The following SLC4A1 variants were observed in gnomAD, a reference collection of about 807,000 sequenced individuals.
The protein encoded by SLC4A1 is band 3 anion transport protein.
SLC4A1 carries 29 observed loss-of-function variants against 93.1 expected under a neutral mutation model. The observed-to-expected ratio is 0.31, with a 90% CI of 0.23 to 0.42. The LOEUF (loss-of-function observed/expected upper bound fraction) is 0.42. SLC4A1 is among the 20% of genes least tolerant of loss of function. SLC4A1 has a pLI of 1.00. For synonymous variants in SLC4A1, 469 were observed against 497.2 expected (o/e 0.94, Z 0.76); for missense variants, 965 against 1,190.1 (o/e 0.81, Z 2.78).
intron 1 of SLC4A1, among the ~76,000 whole-genome samples, chr17:44,263,707 C>CTCCTTCCTTTCTTCCTTCCT (rs1555597760): frequency 1.4e-5 from 2 of 140,404 alleles, no homozygotes; most frequent in African/African-American, 5.6e-5. Flanking sequence ...CCTCCCTTCC[C>CTCCTTCCTTTCTTCCTTCCT]TCCTTCCTTC....
Position 44,257,969 on chromosome 17 carries a change from C to T in SLC4A1, c.1282+17G>A. On this transcript the variant is annotated intron_variant, in intron 11 of 19. Coordinates refer to ENST00000262418, the MANE Select transcript of SLC4A1 (RefSeq NM_000342.4). Reference sequence around the variant, plus strand: ...GGGTCAGAGGCAAGAGTTAGGGAGACAGGTATTGGCACTGACCCAGGAGGC... The same window carrying T: ...GGGTCAGAGGCAAGAGTTAGGGAGATAGGTATTGGCACTGACCCAGGAGGC... 1.2e-6 allele frequency: 2 copies of T among 1,613,840 alleles called. No individual in the cohort carries two copies. The highest frequency in any genetic ancestry group is 1.7e-6 in the Non-Finnish European group (2 of 1,179,874).
chr17:44,263,575 C>T (rs1033363091), intron 1 of SLC4A1, among the ~76,000 whole-genome samples: 1 of 152,048 alleles, frequency 6.6e-6, no homozygotes, highest in Non-Finnish European at 1.5e-5. Context: ...TCCCGGACAC[C>T]CTCCCCCCAA....
rs1410790512 is a variant in SLC4A1 at position 44,259,281 on chromosome 17, A to G, written c.758T>C (p.Leu253Pro). Residue 253 changes from leucine (L) to proline (P), a missense_variant, in exon 9 of 20, where the codon CTG becomes CCG. By Grantham distance (98) the Leu-to-Pro change is moderately conservative (BLOSUM62 -3). This residue lies in a region of SLC4A1 where 770 missense variants were observed against 1,006.6 expected (regional missense o/e 0.76). Coordinates refer to ENST00000262418, the MANE Select transcript of SLC4A1 (RefSeq NM_000342.4). The stretch of plus-strand genomic sequence containing the variant: ...AGGCACCGGCAGCTCCACCGCCTCC[A>G]GCTCCGCTGCCTCCTGCAGCCTCAC... Reference protein sequence around the residue: ...GFVRLQEAAELEAVELPVPIR... With the variant: ...GFVRLQEAAEPEAVELPVPIR... 1 of 1,613,870 alleles carries G rather than the reference A, an allele frequency of 6.2e-7. No individual in the cohort carries two copies. Among genetic ancestry groups the G allele is most frequent in the Non-Finnish European group, 8.5e-7 (1 of 1,180,036 alleles).
Position 44,251,512 on chromosome 17 carries a change from C to T in SLC4A1, c.2388G>A (p.Gly796=), listed in dbSNP as rs2047339442. The T allele has an allele frequency of 6.2e-7, 1 of 1,614,080 alleles. No homozygotes were observed. The highest frequency in any genetic ancestry group is 1.7e-5 in the Admixed American group (1 of 60,004). ...GCTGGATGCCGCTGAGCGACGTGAC[C>T]CCCATGTAGAGGAAGATGCCAAACA... is the stretch of plus-strand genomic sequence containing the variant. ...AVLFGIFLYM[G]VTSLSGIQLF... Residue 796 remains glycine (G), a synonymous_variant, in exon 18 of 20, where the codon GGG becomes GGA. Coordinates refer to ENST00000262418, the MANE Select transcript of SLC4A1 (RefSeq NM_000342.4).
Position 44,262,657 on chromosome 17 carries a change from A to C in SLC4A1, c.85T>G (p.Ser29Ala), listed in dbSNP as rs1210511088. The C allele has an allele frequency of 1.2e-5, 19 of 1,612,820 alleles. No individual in the cohort carries two copies. Among genetic ancestry groups the C allele is most frequent in the Non-Finnish European group, 1.4e-5 (17 of 1,179,494 alleles). Residue 29 changes from serine (S) to alanine (A), a missense_variant, in exon 3 of 20, where the codon TCC becomes GCC. By Grantham distance (99) the Ser-to-Ala change is moderately conservative. Transcript: ENST00000262418. ...TCACCTGCCGGCTCCTCCATCTGGG[A>C]CTCGGGGATGTCTGGGTCTTCATAT... ...EEYEDPDIPE[S>A]QMEEPAAHDT...
chr17:44,254,437 G>A, intron 16 of SLC4A1, 59 bp downstream of exon 16: 1 of 1,536,426 alleles, frequency 6.5e-7, no homozygotes, highest in Non-Finnish European at 9.0e-7. Flanking sequence ...CTGGGAGAAT[G>A]CCAGGGAAAG....
rs111277954 is a variant in SLC4A1, at chr17:44,259,211, G to T, written c.828C>A (p.Ile276=). ...FVLLGPEAPH[I]DYTQLGRAAA... ...CAGCCCGGCCAAGCTGGGTGTAATC[G>T]ATGTGGGGGGCCTCAGGTCCCAGCA... Residue 276 remains isoleucine, a synonymous_variant, in exon 9 of 20, where the codon ATC becomes ATA. Transcript: ENST00000262418. 22 of 1,614,044 alleles carry T rather than the reference G, an allele frequency of 1.4e-5. 2 individuals are homozygous for T. Among genetic ancestry groups the T allele is most frequent in the African/African-American group, 5.3e-5 (4 of 75,056 alleles).
intron 17 of SLC4A1, 97 bp from the exon 18 acceptor site, chr17:44,251,685 AC>A (rs2047341580): frequency 1.1e-6 from 1 of 934,542 alleles, no homozygotes; most frequent in Non-Finnish European, 1.7e-6. Context: ...AAACACAGGC[AC>A]CATATGGAGC....
intron 4 of SLC4A1, among the ~76,000 whole-genome samples, 172 bp downstream of exon 4, chr17:44,261,403 C>T (rs1355487017): frequency 1.3e-5 from 2 of 152,174 alleles, no homozygotes; most frequent in African/African-American, 4.8e-5. Flanking sequence ...CCCAGGCCTC[C>T]CCATCAGTGG....
In SLC4A1 at chr17:44,251,641, T is replaced by A; in HGVS notation, c.2312-53A>T. 1.9e-6 allele frequency: 3 copies of A among 1,569,732 alleles called. No individual in the cohort carries two copies. In the South Asian group the frequency reaches 3.3e-5, roughly 17 times the overall value. ...CAGGTTGCCCGAGGCCTGGCACCAG[T>A]GGGGGGTCAGGCCCCTATCTGGGGC... On this transcript the variant is annotated intron_variant, in intron 17 of 19. Coordinates refer to ENST00000262418, the MANE Select transcript of SLC4A1 (RefSeq NM_000342.4).
At position 44,260,393 on chromosome 17, in the gene SLC4A1, G is replaced by C. The variant is rs1445117172; in HGVS notation, c.485+11C>G. ...TGGATATGGAATCCAGGCCCTGGCA[G>C]GCAGGGGCACCTGTGTTTAAGCAGC... On this transcript the variant is annotated intron_variant, in intron 6 of 19. Transcript: ENST00000262418. The C allele has an allele frequency of 6.2e-7, 1 of 1,609,736 alleles. No homozygotes were observed. Among genetic ancestry groups the C allele is most frequent in the African/African-American group, 1.3e-5 (1 of 74,916 alleles).
At chr17:44,259,963 T>C in intron 6 of SLC4A1, 31 bp from the exon 7 acceptor site, 1 of 1,612,006 alleles carries the variant, frequency 6.2e-7, no homozygotes, top group South Asian at 1.1e-5. Flanking sequence ...ATGGGCTGAG[T>C]AAGCTGTTCA....
In SLC4A1 at chr17:44,255,830, G is replaced by A. The variant is rs879202054; in HGVS notation, c.1643C>T (p.Pro548Leu). The stretch of plus-strand genomic sequence containing the variant: ...GTTGTAGTTATAAGTCTTCTGTAGT[G>A]GGTGGTCCTGGAAGATCTGCAGCAG... ...SKLIKIFQDHPLQKTYNYNVL... is the reference protein window; with the variant it reads ...SKLIKIFQDHLLQKTYNYNVL... Residue 548 changes from proline to leucine, a missense_variant, in exon 14 of 20, where the codon CCA (proline) becomes CTA (leucine). Coordinates refer to ENST00000262418, the MANE Select transcript of SLC4A1 (RefSeq NM_000342.4). 1.9e-6 allele frequency: 3 copies of A among 1,614,140 alleles called. No individual in the cohort carries two copies. The highest frequency in any genetic ancestry group is 2.5e-6 in the Non-Finnish European group (3 of 1,180,008).
chr17:44,254,466 C>G (rs1299727150), intron 16 of SLC4A1, 30 bp downstream of exon 16: 1 of 916,420 alleles, frequency 1.1e-6, no homozygotes, highest in Non-Finnish European at 1.7e-6. Context: ...CTCCCACCCT[C>G]CCAGGCCCAG....
Position 44,262,636 on chromosome 17 carries a change from C to T in SLC4A1, c.106G>A (p.Ala36Thr). 6.2e-7 allele frequency: 1 copy of T among 1,608,478 alleles called. No individual in the cohort carries two copies. The highest frequency in any genetic ancestry group is 8.5e-7 in the Non-Finnish European group (1 of 1,176,834). ...AGCTGAGGGAGGGAGAGGGGCTCAC[C>T]TGCCGGCTCCTCCATCTGGGACTCG... ...IPESQMEEPA[A>T]HDTEATATDY... The change falls in exon 3 of 20, where the codon GCT becomes ACT. Residue 36 changes from alanine (A) to threonine (T), a missense_variant and splice_region_variant. Around this residue, in one of 2 missense-constraint regions of SLC4A1, gnomAD observed 195 missense variants for 183.5 expected, o/e 1.06. Coordinates refer to ENST00000262418, the MANE Select transcript of SLC4A1 (RefSeq NM_000342.4).
At position 44,259,319 on chromosome 17, in the gene SLC4A1, C is replaced by G; in HGVS notation, c.720G>C (p.Pro240=). The part of the protein sequence containing the change: ...LVGRADFLEQ[P]VLGFVRLQEA... Reference sequence around the variant, plus strand: ...CCTGCAGCCTCACGAAGCCCAGCACCGGCTGCTCCAGGAAGTCGGCGCGGC... The same window carrying G: ...CCTGCAGCCTCACGAAGCCCAGCACGGGCTGCTCCAGGAAGTCGGCGCGGC... The change falls in exon 9 of 20, where the codon CCG becomes CCC. Residue 240 remains proline, a synonymous_variant. Transcript: ENST00000262418. 1 of 1,613,822 alleles carries G rather than the reference C, an allele frequency of 6.2e-7. No individual in the cohort carries two copies. The highest frequency in any genetic ancestry group is 8.5e-7 in the Non-Finnish European group (1 of 1,179,980).
At chr17:44,263,672 C>G (rs2047467401) in intron 1 of SLC4A1, among the ~76,000 whole-genome samples, 4 of 151,070 alleles carry the variant, frequency 2.6e-5, no homozygotes, top group Admixed American at 1.3e-4. Flanking sequence ...CTGTCATGTT[C>G]TGGTTTCTTT....
chr17:44,258,332 T>A lies in SLC4A1; in HGVS notation c.1087+81A>T. On this transcript the variant is annotated intron_variant, in intron 10 of 19. Coordinates refer to ENST00000262418, the MANE Select transcript of SLC4A1 (RefSeq NM_000342.4). This position sits in a 1 kb window ranked among gnomAD's most constrained non-coding sequence, Gnocchi z 6.1. ...CAAAGGGAGCGATGAGAGGGGAACA[T>A]GTGATGGGAGACAGAGGCTACGCTG... 1 of 1,447,728 alleles carries A rather than the reference T, an allele frequency of 6.9e-7. No homozygotes were observed. The highest frequency in any genetic ancestry group is 9.7e-7 in the Non-Finnish European group (1 of 1,030,578). 89.7% of individuals were successfully genotyped at this position (1,447,728 alleles called of 1,614,324 possible).
rs2252501 is a variant in SLC4A1 at position 44,257,582 on chromosome 17, T to C, written c.1432-38A>G. Reference sequence around the variant, plus strand: ...CAGAAGAAGCCGGTCAGTCAAAGGGTCTTGGGGCAAGGCACCATGCATCAG... The same window carrying C: ...CAGAAGAAGCCGGTCAGTCAAAGGGCCTTGGGGCAAGGCACCATGCATCAG... On this transcript the variant is annotated intron_variant, in intron 12 of 19. Coordinates refer to ENST00000262418, the MANE Select transcript of SLC4A1 (RefSeq NM_000342.4). 0.17 allele frequency: 268,474 copies of C among 1,612,732 alleles called. 24,149 individuals carry two copies. The highest frequency in any genetic ancestry group is 0.28 in the African/African-American group (20,927 of 74,822).
Sources: allele counts gnomAD v4.1 joint callset (sites outside exome capture counted in the v4.1 genomes callset), GRCh38; gene constraint gnomAD v4.1.1; regional missense constraint gnomAD v4.1.1; non-coding constraint Gnocchi (gnomAD v3.1); transcripts MANE v1.5; gene names NCBI Gene and HGNC (gene_info 2026-07-23, HGNC 2026-07-21).